NPAS3: variants seen among roughly 807,000 people sequenced by gnomAD.
The protein encoded by NPAS3 is neuronal PAS domain protein 3.
NPAS3 carries 14 observed loss-of-function variants against 73.1 expected under a neutral mutation model. That is an observed-to-expected ratio of 0.19 (90% confidence interval 0.13 to 0.30). The LOEUF (loss-of-function observed/expected upper bound fraction) is 0.30, where lower values mean the gene tolerates loss of function less well. NPAS3 is among the 10% of genes least tolerant of loss of function. The probability of loss-of-function intolerance (pLI) is 1.00; values close to 1 mark genes in which losing one functional copy is unlikely to be tolerated. For missense variants in NPAS3, 1,096 were observed against 1,250.0 expected, an observed-to-expected ratio of 0.88 and a Z score of 1.86; for synonymous variants, 620 against 541.5, an observed-to-expected ratio of 1.14 and a Z score of -2.01.
rs139129080 is a variant in NPAS3 at position 33,096,736 on chromosome 14, C to T, written c.140+40742C>T. Among the ~76,000 whole-genome samples the T allele has an allele frequency of 6.2e-3, 947 of 152,246 alleles. 3 individuals carry two copies. The highest frequency in any genetic ancestry group is 0.025 in the South Asian group (119 of 4,814). ...AGTTTCTGAGATGAAGAATTCTTTC[C>T]GTTCCTGCAAGTATGTATGGCTGCA... On this transcript the variant is annotated intron_variant, in intron 2 of 11. Transcript: ENST00000356141.
intron 3 of NPAS3, among the ~76,000 whole-genome samples, chr14:33,293,512 G>C (rs2042179716): frequency 1.3e-5 from 2 of 152,132 alleles, no homozygotes; most frequent in African/African-American, 4.8e-5. Context: ...TTCAAAAGAG[G>C]GGAAAGAAAA....
chr14:33,213,050 G>A (rs1337489407), intron 2 of NPAS3, among the ~76,000 whole-genome samples: 1 of 152,180 alleles, frequency 6.6e-6, no homozygotes, highest in Non-Finnish European at 1.5e-5. Context: ...TAGAAGTGGT[G>A]ACACCAGGCA....
intron 3 of NPAS3, among the ~76,000 whole-genome samples, chr14:33,341,376 TG>T (rs2044470136): frequency 6.6e-6 from 1 of 152,250 alleles, no homozygotes; most frequent in African/African-American, 2.4e-5. Context: ...ATTTCTTTTT[TG>T]TTCTGTAAGA....
chr14:33,215,549 G>T, intron 3 of NPAS3, 123 bp downstream of exon 3: 1 of 1,091,024 alleles, frequency 9.2e-7, no homozygotes, highest in Non-Finnish European at 1.4e-6. Context: ...ATACAAATGT[G>T]GAAATCTGAA....
Position 33,776,521 on chromosome 14 carries a change from T to TAAAAAAAAA in NPAS3, c.1047-1913_1047-1905dup, listed in dbSNP as rs552348267. ...CTGCTTTTGGCGTTTTTCTTCCTCTTAAAAAAAAAAAAAAAAAAAAAAAAA... is the reference window on the plus strand; with the variant it reads ...CTGCTTTTGGCGTTTTTCTTCCTCTTAAAAAAAAAAAAAAAAAAAAAAAAAAAAAAAAAA... On this transcript the variant is annotated intron_variant, in intron 8 of 11. Coordinates refer to ENST00000356141, the Ensembl canonical transcript of NPAS3. 2.5e-4 allele frequency among the ~76,000 whole-genome samples: 8 copies of TAAAAAAAAA among 32,060 alleles called. 2 individuals are homozygous for TAAAAAAAAA. Among genetic ancestry groups the TAAAAAAAAA allele is most frequent in the Non-Finnish European group, 2.3e-4 (4 of 17,030 alleles). The allele number at this position is 32,060 out of a possible 152,430, so 21.0% of individuals were successfully genotyped here. A position where few individuals can be genotyped will look rare whatever the true frequency, so the allele number is the denominator to read the frequency against.
chr14:33,204,914 T>C (rs1470095202), intron 2 of NPAS3, among the ~76,000 whole-genome samples: 1 of 151,986 alleles, frequency 6.6e-6, no homozygotes, highest in African/African-American at 2.4e-5. Flanking sequence ...ATAGCACTAT[T>C]TGGTCACTCA....
chr14:33,197,418 G>A (rs1002932423), intron 2 of NPAS3, among the ~76,000 whole-genome samples: 1 of 151,908 alleles, frequency 6.6e-6, no homozygotes, highest in Non-Finnish European at 1.5e-5. Flanking sequence ...ATTTCATTAA[G>A]CATCAGACAC....
intron 4 of NPAS3, among the ~76,000 whole-genome samples, chr14:33,530,715 T>C (rs1242905372): frequency 7.0e-6 from 1 of 143,794 alleles, no homozygotes; most frequent in African/African-American, 2.5e-5. Context: ...TCCATTGCCT[T>C]CAAACTGGGT....
Position 33,432,430 on chromosome 14 carries a change from T to A in NPAS3, c.468+65162T>A, listed in dbSNP as rs554108303. ...TTTCATAGGACAAGTATTATGAAAA[T>A]CTCATTCACTTGTAAATACATGAAA... is the stretch of plus-strand genomic sequence containing the variant. On this transcript the variant is annotated intron_variant, in intron 4 of 11. Coordinates refer to ENST00000356141, the Ensembl canonical transcript of NPAS3. Among the ~76,000 whole-genome samples, 11 of 152,276 alleles carry A rather than the reference T, an allele frequency of 7.2e-5. No homozygotes were observed. The South Asian group carries it at 2.3e-3, about 32-fold the overall frequency.
intron 3 of NPAS3, among the ~76,000 whole-genome samples, chr14:33,233,869 A>C (rs1165906202): frequency 6.6e-6 from 1 of 152,160 alleles, no homozygotes; most frequent in Admixed American, 6.6e-5. Context: ...AATATAATGA[A>C]AAACAATTAC....
intron 6 of NPAS3, among the ~76,000 whole-genome samples, chr14:33,730,408 TA>T (rs140205294): frequency 3.3e-5 from 5 of 151,900 alleles, no homozygotes; most frequent in Admixed American, 6.6e-5. Context: ...AATGCTACAG[TA>T]AAAAAAACAG....
intron 2 of NPAS3, among the ~76,000 whole-genome samples, chr14:33,177,948 G>A (rs971953830): frequency 1.3e-5 from 2 of 152,030 alleles, no homozygotes; most frequent in African/African-American, 2.4e-5. Context: ...TCCTTCAAAT[G>A]TGTTCTTTTT....
At position 33,326,452 on chromosome 14, in the gene NPAS3, T is replaced by A. The variant is rs1036341436; in HGVS notation, c.386-40734T>A. The stretch of plus-strand genomic sequence containing the variant: ...CTGTCAACTTCGGCAAGTTAGAAAG[T>A]CTTTCTAGGGCCTCCATCTCCTTAT... On this transcript the variant is annotated intron_variant, in intron 3 of 11. Transcript: ENST00000356141. Among the ~76,000 whole-genome samples, 57 of 152,230 alleles carry A rather than the reference T, an allele frequency of 3.7e-4. 1 individual carries two copies.
chr14:32,938,507 G>GAC (rs2035794000), upstream of NPAS3, among the ~76,000 whole-genome samples: 1 of 118,212 alleles, frequency 8.5e-6, no homozygotes, highest in Non-Finnish European at 1.8e-5. Context: ...GAGAGAGAGA[G>GAC]AGAGAGAGAG....
chr14:33,233,330 T>A (rs967851722), intron 3 of NPAS3, among the ~76,000 whole-genome samples: 1 of 152,012 alleles, frequency 6.6e-6, no homozygotes, highest in East Asian at 1.9e-4. Context: ...GCAAACTAAG[T>A]GGAAATTGAG....
chr14:33,180,798 C>CT (rs1566646824), intron 2 of NPAS3, among the ~76,000 whole-genome samples: 1 of 31,552 alleles, frequency 3.2e-5, no homozygotes, highest in Non-Finnish European at 5.9e-5. Context: ...GACACTGTCT[C>CT]CAAGAAAAAA....
intron 3 of NPAS3, among the ~76,000 whole-genome samples, chr14:33,267,372 G>A (rs1013924448): frequency 6.6e-6 from 1 of 152,134 alleles, no homozygotes; most frequent in Non-Finnish European, 1.5e-5. Context: ...TGCTGAGGTA[G>A]CAGCACCAGC....
intron 7 of NPAS3, among the ~76,000 whole-genome samples, chr14:33,757,131 G>C (rs2062140871): frequency 6.6e-6 from 1 of 152,174 alleles, no homozygotes; most frequent in Admixed American, 6.5e-5. Flanking sequence ...TGGAAGATAA[G>C]CCAAGTTGTC....
chr14:33,508,293 C>T (rs866606749), intron 4 of NPAS3, among the ~76,000 whole-genome samples: 23 of 152,144 alleles, frequency 1.5e-4, no homozygotes, highest in Middle Eastern at 6.8e-3. Flanking sequence ...CTTATAATTA[C>T]GTGACAAATC....
Sources: gnomAD v4.1 joint callset for allele counts (sites outside exome capture counted in the v4.1 genomes callset) on GRCh38, gnomAD v4.1.1 for gene constraint, MANE v1.5 for transcripts, NCBI Gene and HGNC (gene_info 2026-07-23, HGNC 2026-07-21) for gene names.